The following TBC1D4 variants were observed in gnomAD, a reference collection of about 807,000 sequenced individuals.
TBC1D4 encodes the protein TBC (Tre-2, BUB2, CDC16) domain-containing protein.
In TBC1D4, 121 loss-of-function variants were observed where a neutral mutation model predicts 142.5. That is an observed-to-expected ratio of 0.85 (90% CI 0.73 to 0.99). TBC1D4 has a LOEUF of 0.99. TBC1D4 is among the 50% of genes least tolerant of loss of function. The probability of loss-of-function intolerance (pLI) is 0.00; values close to 1 mark genes in which losing one functional copy is unlikely to be tolerated. For missense variants in TBC1D4, 1,475 were observed against 1,606.6 expected, an observed-to-expected ratio of 0.92 and a Z score of 1.40; for synonymous variants, 630 against 628.2, an observed-to-expected ratio of 1.00 and a Z score of -0.04.
chr13:75,346,238 G>GTGGTTTGC (rs71127535), intron 5 of TBC1D4, among the ~76,000 whole-genome samples: 68,695 of 151,382 alleles, frequency 0.45, 15,980 homozygotes, highest in East Asian at 0.66. Context: ...ACGTGCCATG[G>GTGGTTTGC]TGCACCCATC....
chr13:75,337,052 A>G lies in TBC1D4; in HGVS notation c.1612-12T>C, dbSNP rs987840953. The stretch of plus-strand genomic sequence containing the variant: ...CTATTTGAAATAGTCTAAAAAAAGA[A>G]AAACAGATACATTTTAGTTTGGAAA... On this transcript the variant is annotated splice_polypyrimidine_tract_variant and intron_variant, in intron 7 of 20. Transcript: ENST00000377636. 9 of 1,610,222 alleles carry G rather than the reference A, an allele frequency of 5.6e-6. No individual in the cohort carries two copies. The highest frequency in any genetic ancestry group is 7.6e-6 in the Non-Finnish European group (9 of 1,177,194).
chr13:75,457,449 T>C (rs1887784567), intron 1 of TBC1D4, among the ~76,000 whole-genome samples: 1 of 152,142 alleles, frequency 6.6e-6, no homozygotes, highest in African/African-American at 2.4e-5. Flanking sequence ...TCTCCATGTC[T>C]CCAGATATTG....
chr13:75,359,732 G>T, intron 3 of TBC1D4, 37 bp downstream of exon 3: 1 of 1,458,356 alleles, frequency 6.9e-7, no homozygotes, highest in African/African-American at 1.4e-5. Flanking sequence ...AAACAAGATT[G>T]GTCTCTTCAC....
At chr13:75,325,683 A>G (rs574418770) in intron 10 of TBC1D4, among the ~76,000 whole-genome samples, 2 of 152,336 alleles carry the variant, frequency 1.3e-5, no homozygotes, top group African/African-American at 4.8e-5. Flanking sequence ...TTCTTTATAC[A>G]TATCACCTTA....
At chr13:75,409,791 T>A (rs574315048) in intron 1 of TBC1D4, among the ~76,000 whole-genome samples, 1 of 152,250 alleles carries the variant, frequency 6.6e-6, no homozygotes, top group Admixed American at 6.5e-5. Flanking sequence ...TAATTTCAAT[T>A]AATAAATTTA....
intron 18 of TBC1D4, among the ~76,000 whole-genome samples, chr13:75,293,741 A>C (rs1205368525): frequency 6.6e-6 from 1 of 152,208 alleles, no homozygotes; most frequent in Non-Finnish European, 1.5e-5. Context: ...TAACTTTTAA[A>C]CCACAGCCCT....
chr13:75,309,419 G>T (rs1293419103), intron 14 of TBC1D4, among the ~76,000 whole-genome samples: 1 of 151,964 alleles, frequency 6.6e-6, no homozygotes, highest in Non-Finnish European at 1.5e-5. Context: ...ACAAAAAATA[G>T]GAATAGGTTT....
chr13:75,421,450 T>G (rs56354836), intron 1 of TBC1D4, among the ~76,000 whole-genome samples: 1 of 152,346 alleles, frequency 6.6e-6, no homozygotes, highest in African/African-American at 2.4e-5. Context: ...GAGAGACTCC[T>G]TAGTAATTTT....
At chr13:75,399,692 G>C (rs1283860501) in intron 1 of TBC1D4, among the ~76,000 whole-genome samples, 2 of 152,222 alleles carry the variant, frequency 1.3e-5, no homozygotes, top group Non-Finnish European at 1.5e-5. Context: ...GGCAGACAGT[G>C]ATGGATTAAA....
intron 20 of TBC1D4, among the ~76,000 whole-genome samples, chr13:75,288,539 C>T (rs933882658): frequency 6.6e-6 from 1 of 152,072 alleles, no homozygotes; most frequent in Non-Finnish European, 1.5e-5. Flanking sequence ...TTGATGCCAC[C>T]CTCCTACTCA....
At chr13:75,323,528 C>G (rs531852402) in intron 11 of TBC1D4, among the ~76,000 whole-genome samples, 1 of 152,066 alleles carries the variant, frequency 6.6e-6, no homozygotes, top group Non-Finnish European at 1.5e-5. Flanking sequence ...AAAATCACTA[C>G]GTCTAATTTT....
At chr13:75,328,606 A>G (rs1879476465) in intron 8 of TBC1D4, among the ~76,000 whole-genome samples, 1 of 152,190 alleles carries the variant, frequency 6.6e-6, no homozygotes, top group Admixed American at 6.5e-5. Context: ...ATCATCTACA[A>G]GGTCTTAAAA....
intron 1 of TBC1D4, among the ~76,000 whole-genome samples, chr13:75,393,705 G>A (rs1388608737): frequency 6.6e-6 from 1 of 152,134 alleles, no homozygotes; most frequent in Non-Finnish European, 1.5e-5. Flanking sequence ...GCCAAGGTGG[G>A]CGGATCACCT....
intron 19 of TBC1D4, among the ~76,000 whole-genome samples, chr13:75,291,380 AT>A (rs899115552): frequency 6.6e-6 from 1 of 152,150 alleles, no homozygotes; most frequent in African/African-American, 2.4e-5. Flanking sequence ...ACACTATTAT[AT>A]CCTCCACTTA....
intron 1 of TBC1D4, among the ~76,000 whole-genome samples, chr13:75,445,889 T>C (rs1202365555): frequency 6.6e-6 from 1 of 152,250 alleles, no homozygotes; most frequent in Non-Finnish European, 1.5e-5. Context: ...TTTTTGTTTT[T>C]AAAAAGTTAT....
At chr13:75,341,646 A>G (rs573174484) in intron 5 of TBC1D4, 59 bp from the exon 6 acceptor site, 1 of 1,342,416 alleles carries the variant, frequency 7.4e-7, no homozygotes, top group African/African-American at 1.4e-5. Context: ...ATCCAGGGGC[A>G]GAGAATGCAT....
intron 1 of TBC1D4, among the ~76,000 whole-genome samples, chr13:75,393,935 AAAAAAC>A (rs1884632518): frequency 1.3e-5 from 2 of 151,858 alleles, no homozygotes. Flanking sequence ...CTCAAAAAAA[AAAAAAC>A]AAAAAAACAA....
At chr13:75,452,248 A>AATTAG (rs745486365) in intron 1 of TBC1D4, among the ~76,000 whole-genome samples, 80 of 152,196 alleles carry the variant, frequency 5.3e-4, no homozygotes, top group Non-Finnish European at 1.0e-3. Flanking sequence ...AGAAATTGGA[A>AATTAG]ATTAGATTAG....
chr13:75,409,861 A>T (rs1885533619), intron 1 of TBC1D4, among the ~76,000 whole-genome samples: 1 of 152,348 alleles, frequency 6.6e-6, no homozygotes, highest in South Asian at 2.1e-4. Flanking sequence ...TTAAGATACT[A>T]GTGTTAATTT....
Sources: allele counts gnomAD v4.1 joint callset (sites outside exome capture counted in the v4.1 genomes callset), GRCh38; gene constraint gnomAD v4.1.1; transcripts MANE v1.5; gene names NCBI Gene and HGNC (gene_info 2026-07-23, HGNC 2026-07-21).